SNED1: variants seen among roughly 807,000 people sequenced by gnomAD.
The protein encoded by SNED1 is sushi, nidogen and EGF like domains 1.
A neutral mutation model predicts 166.7 loss-of-function variants in SNED1; 81 were observed. The ratio of observed to expected loss-of-function variants is 0.49; its 90% CI spans 0.41 to 0.58. The LOEUF (loss-of-function observed/expected upper bound fraction) is 0.58. Among genes scored for constraint, SNED1 ranks in the 20% least tolerant of loss-of-function variants. The pLI is 0.00. For missense variants in SNED1, 1,604 were observed against 2,000.2 expected, an observed-to-expected ratio of 0.80 and a Z score of 3.78; for synonymous variants, 762 against 822.0, an observed-to-expected ratio of 0.93 and a Z score of 1.25.
At chr2:241,066,576 G>A (rs959808125) in intron 21 of SNED1, among the ~76,000 whole-genome samples, 4 of 151,524 alleles carry the variant, frequency 2.6e-5, no homozygotes, top group African/African-American at 7.3e-5. Context: ...CTAGAGGCTC[G>A]AGGAAAGAGG....
chr2:241,057,360 CG>C (rs2062080256), intron 16 of SNED1, among the ~76,000 whole-genome samples: 2 of 136,812 alleles, frequency 1.5e-5, no homozygotes, highest in African/African-American at 5.9e-5. Context: ...GCCTGGGCGA[CG>C]AGCAAAACTC....
chr2:241,012,896 C>T (rs984104370), intron 1 of SNED1, among the ~76,000 whole-genome samples: 2 of 148,720 alleles, frequency 1.3e-5, no homozygotes, highest in Admixed American at 6.7e-5. Flanking sequence ...AGTGCAGTGA[C>T]GTGATCTCAG....
At position 241,068,651 on chromosome 2, in the gene SNED1, A is replaced by G. The variant is rs2062569034; in HGVS notation, c.3195-260A>G. On this transcript the variant is annotated intron_variant, in intron 22 of 31. Transcript: ENST00000310397. This position sits in a 1 kb window ranked among gnomAD's most constrained non-coding sequence, Gnocchi z 5.3. ...CTTCTCTGGCCTCTCCCAGCTGAAC[A>G]CCGGCCCTCTGACCATACTGTAGCA... Among the ~76,000 whole-genome samples the G allele has an allele frequency of 6.6e-6, 1 of 151,692 alleles. No homozygotes were observed. Among genetic ancestry groups the G allele is most frequent in the South Asian group, 2.1e-4 (1 of 4,792 alleles).
intron 15 of SNED1, among the ~76,000 whole-genome samples, chr2:241,052,690 CGGG>C (rs35560815): frequency 0.15 from 146 of 994 alleles, 21 homozygotes; most frequent in Non-Finnish European, 0.19. Flanking sequence ...AGAGGGTCGG[CGGG>C]GGGGGGGGGG....
In SNED1 at chr2:241,011,629, A is replaced by C. The variant is rs918884766; in HGVS notation, c.213+12579A>C. 8.5e-5 allele frequency among the ~76,000 whole-genome samples: 13 copies of C among 152,364 alleles called. 1 individual carries two copies. The highest frequency in any genetic ancestry group is 3.4e-3 in the Middle Eastern group (1 of 294). On this transcript the variant is annotated intron_variant, in intron 1 of 31. Transcript: ENST00000310397. ...TGTTTTACAAGGTGCTATAGCAAGT[A>C]GGCAAATAACAATAATAGAATTGTC... is the stretch of plus-strand genomic sequence containing the variant.
chr2:241,038,983 G>A (rs891848488), intron 6 of SNED1, among the ~76,000 whole-genome samples: 2 of 152,218 alleles, frequency 1.3e-5, no homozygotes, highest in African/African-American at 2.4e-5. Context: ...GAGGCTTGGC[G>A]CCAGGAGGCT....
intron 16 of SNED1, among the ~76,000 whole-genome samples, chr2:241,057,380 A>AAAAAAAAAAAAAAATATATATAT (rs377141068): frequency 8.5e-6 from 1 of 118,132 alleles, no homozygotes; most frequent in African/African-American, 3.8e-5. Context: ...TCCATCTCAA[A>AAAAAAAAAAAAAAATATATATAT]ATATATATAT....
chr2:241,087,919 T>C (rs1210804091), intron 30 of SNED1: 5 of 416,752 alleles, frequency 1.2e-5, no homozygotes, highest in Non-Finnish European at 1.7e-5. Context: ...GAGAATATTA[T>C]ATGCTTTAGA....
chr2:241,071,629 G>A lies in SNED1; in HGVS notation c.3643G>A (p.Val1215Met), dbSNP rs755940142. The A allele has an allele frequency of 2.9e-5, 46 of 1,586,424 alleles. No individual in the cohort carries two copies. The highest frequency in any genetic ancestry group is 1.1e-4 in the African/African-American group (8 of 74,736). Residue 1215 changes from valine to methionine, a missense_variant, in exon 25 of 32, where the codon GTG becomes ATG. By Grantham distance (21) the Val-to-Met change is conservative. Around this residue, in one of 2 missense-constraint regions of SNED1, gnomAD observed 367 missense variants for 379.4 expected, o/e 0.97. Coordinates refer to ENST00000310397, the MANE Select transcript of SNED1 (RefSeq NM_001080437.3). ...GCACCAGGGAGGACACCACCCTCGG[G>A]TGCTCAAGAACAGACCGCCCCCGGC... ...RWHQGGHHPR[V>M]LKNRPPPARL...
At chr2:241,019,794 G>T (rs999903682) in intron 1 of SNED1, among the ~76,000 whole-genome samples, 3 of 151,942 alleles carry the variant, frequency 2.0e-5, no homozygotes, top group Non-Finnish European at 4.4e-5. Context: ...AAATATGAGG[G>T]TGTTAGTGTC....
intron 1 of SNED1, among the ~76,000 whole-genome samples, chr2:241,023,586 CT>C (rs2060833285): frequency 6.6e-6 from 1 of 152,010 alleles, no homozygotes; most frequent in African/African-American, 2.4e-5. Context: ...TGTGCCTGGT[CT>C]TTTACTAGAG....
chr2:241,048,345 C>G lies in SNED1; in HGVS notation c.1304C>G (p.Ser435Trp), dbSNP rs779633133. 4.3e-6 allele frequency: 7 copies of G among 1,610,220 alleles called. No homozygotes were observed. Among genetic ancestry groups the G allele is most frequent in the Non-Finnish European group, 5.9e-6 (7 of 1,178,596 alleles). The change falls in exon 9 of 32, where the codon TCG becomes TGG. Residue 435 changes from serine (S) to tryptophan (W), a missense_variant. By Grantham distance (177) the Ser-to-Trp change is radical. Around this residue, in one of 2 missense-constraint regions of SNED1, gnomAD observed 1,237 missense variants for 1,620.8 expected, o/e 0.76. Transcript: ENST00000310397. Reference sequence around the variant, plus strand: ...CATCCAGTGCCAGACGCCTGCCTCTCGGCCCCTTGCCACAATGGGGGCACC... The same window carrying G: ...CATCCAGTGCCAGACGCCTGCCTCTGGGCCCCTTGCCACAATGGGGGCACC... ...GDHPVPDACL[S>W]APCHNGGTCV...
chr2:241,071,488 G>T, intron 24 of SNED1, 88 bp from the exon 25 acceptor site: 1 of 1,460,198 alleles, frequency 6.8e-7, no homozygotes, highest in Non-Finnish European at 9.3e-7. Flanking sequence ...GCACGGCTGA[G>T]TGTGAGGGGC....
chr2:241,028,306 G>C (rs2061048346), intron 1 of SNED1, among the ~76,000 whole-genome samples: 1 of 152,108 alleles, frequency 6.6e-6, no homozygotes, highest in South Asian at 2.1e-4. Context: ...AGTCCGATTT[G>C]TCTGTTTTTT....
rs1308254455 is a variant in SNED1 at position 241,092,206 on chromosome 2, C to T, written c.*570C>T. On this transcript the variant is annotated 3_prime_UTR_variant, in exon 32 of 32. Transcript: ENST00000310397. This position sits in a 1 kb window ranked among gnomAD's most constrained non-coding sequence, Gnocchi z 4.6. ...GGTCCTCCAGCGTGTTTATGACGCTCGTGCAGGTCGACGAGCCATCCTATG... is the reference window on the plus strand; with the variant it reads ...GGTCCTCCAGCGTGTTTATGACGCTTGTGCAGGTCGACGAGCCATCCTATG... 3.3e-5 allele frequency: 5 copies of T among 152,176 alleles called. No individual in the cohort carries two copies. Among genetic ancestry groups the T allele is most frequent in the Non-Finnish European group, 7.3e-5 (5 of 68,038 alleles). 9.4% of individuals were successfully genotyped at this position (152,176 alleles called of 1,614,324 possible). A position where few individuals can be genotyped will look rare whatever the true frequency, so the allele number is the denominator to read the frequency against.
chr2:241,049,796 C>T (rs1260131158), intron 11 of SNED1, 21 bp from the exon 12 acceptor site: 1 of 1,590,830 alleles, frequency 6.3e-7, no homozygotes, highest in Admixed American at 1.7e-5. Flanking sequence ...TCCAGGACCA[C>T]CCTCTGTCCC....
In SNED1 at chr2:241,051,899, G is replaced by A. The variant is rs1202349495; in HGVS notation, c.1852+39G>A. 1.2e-4 allele frequency: 179 copies of A among 1,505,708 alleles called. No homozygotes were observed. The highest frequency in any genetic ancestry group is 1.5e-4 in the Non-Finnish European group (164 of 1,117,166). 93.3% of individuals were successfully genotyped at this position (1,505,708 alleles called of 1,614,324 possible). A position where few individuals can be genotyped will look rare whatever the true frequency, so the allele number is the denominator to read the frequency against. The stretch of plus-strand genomic sequence containing the variant: ...GGGCAGGGGGGAGGGCAGGAACGAC[G>A]GGCCAGCCCTGAGCTGGGGCCCCTG... On this transcript the variant is annotated intron_variant, in intron 13 of 31. Transcript: ENST00000310397. This position sits in a 1 kb window ranked among gnomAD's most constrained non-coding sequence, Gnocchi z 4.7.
rs199813885 is a variant in SNED1, at chr2:241,052,396, A to T, written c.2011A>T (p.Thr671Ser). 1,783 of 1,595,232 alleles carry T rather than the reference A, an allele frequency of 1.1e-3. 2 individuals are homozygous for T. The highest frequency in any genetic ancestry group is 1.3e-3 in the Non-Finnish European group (1,570 of 1,170,140). The change falls in exon 15 of 32, where the codon ACC (threonine) becomes TCC (serine). Residue 671 changes from threonine to serine, a missense_variant. By Grantham distance (58) the Thr-to-Ser change is moderately conservative (BLOSUM62 1). Transcript: ENST00000310397. ...CFRSPCVNGG[T>S]CEDRDTDFFC... ...CCGGAGCCCGTGTGTGAATGGGGGC[A>T]CCTGCGAGGACCGGGACACGGATTT...
Position 241,093,296 on chromosome 2 carries a change from CTGTT to C in SNED1, c.*1664_*1667del, listed in dbSNP as rs1376838333. 2.0e-5 allele frequency: 3 copies of C among 152,662 alleles called. No homozygotes were observed. The highest frequency in any genetic ancestry group is 7.2e-5 in the African/African-American group (3 of 41,464). The allele number at this position is 152,662 out of a possible 1,614,324, so 9.5% of individuals were successfully genotyped here. A position where few individuals can be genotyped will look rare whatever the true frequency, so the allele number is the denominator to read the frequency against. On this transcript the variant is annotated 3_prime_UTR_variant, in exon 32 of 32. Transcript: ENST00000310397. Reference sequence around the variant, plus strand: ...CTTCCTGCCGCCCTGGGACCTGTCACTGTTTGTCCATGTAAGCTACAGCATTACT... The same window carrying C: ...CTTCCTGCCGCCCTGGGACCTGTCACTGTCCATGTAAGCTACAGCATTACT...
Sources: gnomAD v4.1 joint callset for allele counts (sites outside exome capture counted in the v4.1 genomes callset) on GRCh38, gnomAD v4.1.1 for gene constraint, gnomAD v4.1.1 regional missense constraint, Gnocchi (gnomAD v3.1) non-coding constraint, MANE v1.5 for transcripts, NCBI Gene and HGNC (gene_info 2026-07-23, HGNC 2026-07-21) for gene names.